Variants in NOS1AP observed in about 807,000 individuals in gnomAD.
NOS1AP encodes the protein nitric oxide synthase 1 adaptor protein, also known as carboxyl-terminal PDZ ligand of neuronal nitric oxide synthase protein.
NOS1AP carries 21 observed loss-of-function variants against 56.2 expected under a neutral mutation model. The ratio of observed to expected loss-of-function variants is 0.37; its 90% CI spans 0.26 to 0.54. NOS1AP has a LOEUF of 0.54. Among genes scored for constraint, NOS1AP ranks in the 20% least tolerant of loss-of-function variants. The pLI, the probability that NOS1AP is intolerant of heterozygous loss-of-function variation, is 0.84. For missense variants in NOS1AP, 522 were observed against 657.8 expected (o/e 0.79, Z 2.26); for synonymous variants, 270 against 274.6 (o/e 0.98, Z 0.17).
chr1:162,260,152 G>T (rs1329689288), intron 2 of NOS1AP, among the ~76,000 whole-genome samples: 1 of 152,036 alleles, frequency 6.6e-6, no homozygotes, highest in Non-Finnish European at 1.5e-5. Flanking sequence ...GCTAATGAGG[G>T]TCTGTTGTCA....
intron 4 of NOS1AP, among the ~76,000 whole-genome samples, chr1:162,329,907 A>G (rs936894165): frequency 1.3e-5 from 2 of 152,242 alleles, no homozygotes. Flanking sequence ...CTGAAATCAG[A>G]TATAGCAGAG....
At chr1:162,192,864 G>T (rs1255290792) in intron 2 of NOS1AP, among the ~76,000 whole-genome samples, 1 of 152,136 alleles carries the variant, frequency 6.6e-6, no homozygotes, top group Non-Finnish European at 1.5e-5. Context: ...GCAGAGCAGA[G>T]CACATCCTCC....
At chr1:162,295,375 C>T (rs1404262472) in intron 3 of NOS1AP, among the ~76,000 whole-genome samples, 1 of 152,158 alleles carries the variant, frequency 6.6e-6, no homozygotes, top group Non-Finnish European at 1.5e-5. Context: ...TAAAAGACTT[C>T]AAAGACAGTT....
At chr1:162,248,032 C>T in intron 2 of NOS1AP, among the ~76,000 whole-genome samples, 1 of 152,056 alleles carries the variant, frequency 6.6e-6, no homozygotes, top group Non-Finnish European at 1.5e-5. Flanking sequence ...CCTGTAATCC[C>T]AGCACCTTGG....
intron 1 of NOS1AP, among the ~76,000 whole-genome samples, chr1:162,145,085 A>G (rs888479076): frequency 4.6e-5 from 7 of 152,230 alleles, no homozygotes; most frequent in African/African-American, 9.6e-5. Context: ...CTACTGATCA[A>G]TAGTGACACA....
At chr1:162,130,044 A>G (rs995565950) in intron 1 of NOS1AP, among the ~76,000 whole-genome samples, 5 of 152,202 alleles carry the variant, frequency 3.3e-5, no homozygotes, top group East Asian at 1.9e-4. Flanking sequence ...TAGACTTTCT[A>G]TCTTTCTTAG....
chr1:162,282,647 A>G (rs758261535), intron 2 of NOS1AP, among the ~76,000 whole-genome samples: 6 of 152,186 alleles, frequency 3.9e-5, no homozygotes, highest in Non-Finnish European at 8.8e-5. Flanking sequence ...TTTGTTTTGG[A>G]GATCTGCTCA....
chr1:162,081,774 A>ATATATATTTTTTTTTTTTTTTT lies in NOS1AP; in HGVS notation c.105+11493_105+11494insATATATTTTTTTTTTTTTTTTT. Among the ~76,000 whole-genome samples, 158 of 43,984 alleles carry ATATATATTTTTTTTTTTTTTTT rather than the reference A, an allele frequency of 3.6e-3. 5 individuals are homozygous for ATATATATTTTTTTTTTTTTTTT. Among genetic ancestry groups the ATATATATTTTTTTTTTTTTTTT allele is most frequent in the Non-Finnish European group, 5.4e-3 (117 of 21,544 alleles). 28.9% of individuals were successfully genotyped at this position (43,984 alleles called of 152,430 possible). A position where few individuals can be genotyped will look rare whatever the true frequency, so the allele number is the denominator to read the frequency against. On this transcript the variant is annotated intron_variant, in intron 1 of 9. Coordinates refer to ENST00000361897, the MANE Select transcript of NOS1AP (RefSeq NM_014697.3). ...TCTATAGATATATATATATATATAT[A>ATATATATTTTTTTTTTTTTTTT]TTTTTTTTTTGTAGAGATGGGTTTT...
At chr1:162,210,296 C>T (rs752913129) in intron 2 of NOS1AP, among the ~76,000 whole-genome samples, 9 of 152,148 alleles carry the variant, frequency 5.9e-5, no homozygotes, top group Admixed American at 2.6e-4. Flanking sequence ...TTCAAGAGCA[C>T]GGTGACTTCT....
intron 4 of NOS1AP, among the ~76,000 whole-genome samples, chr1:162,314,040 C>T (rs757959758): frequency 4.6e-5 from 7 of 152,156 alleles, no homozygotes; most frequent in Non-Finnish European, 1.0e-4. Context: ...ACATACTTCA[C>T]GACAAAGCTG....
chr1:162,342,445 C>T, intron 5 of NOS1AP: 1 of 455,038 alleles, frequency 2.2e-6, no homozygotes, highest in South Asian at 1.6e-5. Flanking sequence ...GAAATGACTC[C>T]AGGCTTGAGG....
At chr1:162,155,203 T>C (rs1304386121) in intron 2 of NOS1AP, among the ~76,000 whole-genome samples, 2 of 150,054 alleles carry the variant, frequency 1.3e-5, no homozygotes, top group Non-Finnish European at 3.0e-5. Flanking sequence ...ATTGAGTCCA[T>C]ACACAGTGTG....
rs146508216 is a variant in NOS1AP at position 162,352,781 on chromosome 1, C to T, written c.596-2406C>T. Among the ~76,000 whole-genome samples, 9 of 152,188 alleles carry T rather than the reference C, an allele frequency of 5.9e-5. No homozygotes were observed. In the East Asian group the frequency reaches 1.7e-3, roughly 29 times the overall value. On this transcript the variant is annotated intron_variant, in intron 6 of 9. Coordinates refer to ENST00000361897, the MANE Select transcript of NOS1AP (RefSeq NM_014697.3). ...ATGATCTAATTACCTCCCAAAAGCT[C>T]ATCTCCAAGTGCTATTACATTGGGA...
intron 4 of NOS1AP, among the ~76,000 whole-genome samples, chr1:162,320,665 C>A (rs1175452198): frequency 6.6e-6 from 1 of 152,056 alleles, no homozygotes; most frequent in Non-Finnish European, 1.5e-5. Context: ...ACCATCCTGG[C>A]CAACATGGTG....
intron 2 of NOS1AP, among the ~76,000 whole-genome samples, chr1:162,231,635 T>G (rs985611835): frequency 6.6e-6 from 1 of 152,220 alleles, no homozygotes; most frequent in Non-Finnish European, 1.5e-5. Context: ...CAAACTGTAC[T>G]GTCATACTGG....
At chr1:162,323,741 C>A (rs749165519) in intron 4 of NOS1AP, among the ~76,000 whole-genome samples, 32 of 152,176 alleles carry the variant, frequency 2.1e-4, no homozygotes, top group Admixed American at 1.2e-3. Context: ...CTCTTCTTAT[C>A]CCATTTTGCA....
chr1:162,116,408 C>G (rs1486765997), intron 1 of NOS1AP, among the ~76,000 whole-genome samples: 1 of 152,104 alleles, frequency 6.6e-6, no homozygotes, highest in East Asian at 1.9e-4. Context: ...AGATGGTGAC[C>G]CTTCGCTCCC....
intron 4 of NOS1AP, among the ~76,000 whole-genome samples, chr1:162,331,201 A>G (rs7548658): frequency 0.02 from 3,041 of 152,246 alleles, 100 homozygotes; most frequent in African/African-American, 0.067. Flanking sequence ...ACCACACTAA[A>G]CAGCCTCTAT....
chr1:162,207,042 G>A (rs79384159), intron 2 of NOS1AP, among the ~76,000 whole-genome samples: 3,162 of 152,334 alleles, frequency 0.021, 115 homozygotes, highest in African/African-American at 0.071. Context: ...GTGGTAATGT[G>A]CTGCTCTGAG....
Sources: gnomAD v4.1 joint callset for allele counts (sites outside exome capture counted in the v4.1 genomes callset) on GRCh38, gnomAD v4.1.1 for gene constraint, MANE v1.5 for transcripts, NCBI Gene and HGNC (gene_info 2026-07-23, HGNC 2026-07-21) for gene names.